PTPRE: variants seen among roughly 807,000 people sequenced by gnomAD.
PTPRE encodes the protein protein tyrosine phosphatase receptor type E.
In PTPRE, 51 loss-of-function variants were observed where a neutral mutation model predicts 102.0. The ratio of observed to expected loss-of-function variants is 0.50; its 90% CI spans 0.40 to 0.63. The LOEUF is 0.63. Ranked by LOEUF, PTPRE falls within the 30% of genes least tolerant of loss-of-function variation. The probability of loss-of-function intolerance (pLI) is 0.00; values close to 1 mark genes in which losing one functional copy is unlikely to be tolerated. For missense variants in PTPRE, 752 were observed against 915.1 expected (o/e 0.82, Z 2.30); for synonymous variants, 345 against 348.2 (o/e 0.99, Z 0.10).
At chr10:127,997,278 C>T (rs1853364729) in intron 2 of PTPRE, among the ~76,000 whole-genome samples, 1 of 152,158 alleles carries the variant, frequency 6.6e-6, no homozygotes. Flanking sequence ...CCCTGAACAC[C>T]CAGGTAAACT....
intron 10 of PTPRE, 31 bp downstream of exon 10, chr10:128,063,211 C>T (rs773009566): frequency 6.2e-7 from 1 of 1,612,158 alleles, no homozygotes; most frequent in East Asian, 2.2e-5. Context: ...CCCGGTATCA[C>T]TTCCTTTCAG....
intron 1 of PTPRE, among the ~76,000 whole-genome samples, chr10:127,932,233 T>C (rs2135242741): frequency 6.6e-6 from 1 of 152,360 alleles, no homozygotes; most frequent in East Asian, 1.9e-4. Flanking sequence ...AAAGTCTATA[T>C]TGAAAATTAA....
intron 1 of PTPRE, among the ~76,000 whole-genome samples, chr10:127,925,024 T>C (rs898485817): frequency 6.6e-6 from 1 of 152,184 alleles, no homozygotes; most frequent in Non-Finnish European, 1.5e-5. Flanking sequence ...AGTCTTCTGT[T>C]TTCTGAGCTC....
intron 1 of PTPRE, among the ~76,000 whole-genome samples, chr10:127,930,232 C>T (rs1847326433): frequency 6.6e-6 from 1 of 151,970 alleles, no homozygotes; most frequent in African/African-American, 2.4e-5. Flanking sequence ...GCACATTTTA[C>T]CACCCTGCCC....
rs1850679650 is a variant in PTPRE, at chr10:128,070,572, C to A, written c.1293+122C>A. On this transcript the variant is annotated intron_variant, in intron 14 of 20. Transcript: ENST00000254667. The surrounding 1 kb of genome is among the most constrained non-coding windows in gnomAD (Gnocchi z 4.8). ...GCCCCTTAACTGACCTCAGAAAAAGCAGGGGCAATACCTGAGCCATGATTT... is the reference window on the plus strand; with the variant it reads ...GCCCCTTAACTGACCTCAGAAAAAGAAGGGGCAATACCTGAGCCATGATTT... 3 of 1,335,064 alleles carry A rather than the reference C, an allele frequency of 2.2e-6. No homozygotes were observed. The highest frequency in any genetic ancestry group is 2.0e-6 in the Non-Finnish European group (2 of 991,668). 82.7% of individuals were successfully genotyped at this position (1,335,064 alleles called of 1,614,324 possible).
chr10:128,066,667 T>C (rs1014617350), intron 11 of PTPRE, among the ~76,000 whole-genome samples: 4 of 152,174 alleles, frequency 2.6e-5, no homozygotes, highest in African/African-American at 9.7e-5. Context: ...GCAAAGCAGA[T>C]GAAATCAAGA....
In PTPRE at chr10:128,023,361, C is replaced by T. The variant is rs147330499; in HGVS notation, c.-7-17514C>T. Reference sequence around the variant, plus strand: ...TATAGGAAAAAAGATAGTATATATACATAGTACGTATAGGAAAAAGCATAG... The same window carrying T: ...TATAGGAAAAAAGATAGTATATATATATAGTACGTATAGGAAAAAGCATAG... On this transcript the variant is annotated intron_variant, in intron 2 of 20. Coordinates refer to ENST00000254667, the MANE Select transcript of PTPRE (RefSeq NM_006504.6). 9.8e-3 allele frequency among the ~76,000 whole-genome samples: 1,496 copies of T among 151,910 alleles called. 13 individuals are homozygous for T. Among genetic ancestry groups the T allele is most frequent in the Non-Finnish European group, 0.015 (996 of 67,996 alleles).
chr10:128,040,337 G>A (rs1038193613), intron 2 of PTPRE, among the ~76,000 whole-genome samples: 8 of 152,182 alleles, frequency 5.3e-5, no homozygotes, highest in African/African-American at 1.9e-4. Context: ...GGGTGATGAG[G>A]CTGCATGAAC....
intron 7 of PTPRE, among the ~76,000 whole-genome samples, chr10:128,058,811 A>G (rs1590174574): frequency 1.3e-5 from 2 of 151,906 alleles, no homozygotes; most frequent in African/African-American, 4.8e-5. Context: ...AAGGGACCCA[A>G]CTTCCCCAGC....
At chr10:128,037,843 G>A (rs1214633639) in intron 2 of PTPRE, among the ~76,000 whole-genome samples, 3 of 152,134 alleles carry the variant, frequency 2.0e-5, no homozygotes, top group Non-Finnish European at 4.4e-5. Context: ...CCAGGCTGGA[G>A]TGCAGTGGTG....
At chr10:127,930,902 C>T (rs1309838918) in intron 1 of PTPRE, among the ~76,000 whole-genome samples, 1 of 151,740 alleles carries the variant, frequency 6.6e-6, no homozygotes, top group Non-Finnish European at 1.5e-5. Context: ...AAGCGATTCT[C>T]CTGCCTCAGC....
chr10:127,912,277 A>C (rs981286124), intron 1 of PTPRE, among the ~76,000 whole-genome samples: 1 of 152,250 alleles, frequency 6.6e-6, no homozygotes, highest in African/African-American at 2.4e-5. Flanking sequence ...TGAGCTTAAG[A>C]AATACAAATT....
At chr10:127,920,438 C>T (rs1447058697) in intron 1 of PTPRE, among the ~76,000 whole-genome samples, 1 of 152,180 alleles carries the variant, frequency 6.6e-6, no homozygotes, top group East Asian at 1.9e-4. Flanking sequence ...TGTGGCCAAG[C>T]ACCCTGCCCT....
chr10:127,939,347 T>C (rs1393560655), intron 1 of PTPRE, among the ~76,000 whole-genome samples: 1 of 152,256 alleles, frequency 6.6e-6, no homozygotes, highest in Non-Finnish European at 1.5e-5. Flanking sequence ...CTTCCCATTC[T>C]GCTGTGGCAA....
At chr10:128,079,517 A>G (rs1465791077) in intron 19 of PTPRE, 43 bp from the exon 20 acceptor site, 8 of 1,596,290 alleles carry the variant, frequency 5.0e-6, no homozygotes, top group Non-Finnish European at 6.8e-6. Context: ...CTCATCCCCA[A>G]GTGCAAGTCG....
At chr10:128,077,852 G>A in intron 19 of PTPRE, 69 bp downstream of exon 19, 1 of 1,512,710 alleles carries the variant, frequency 6.6e-7, no homozygotes, top group Middle Eastern at 1.8e-4. Flanking sequence ...ACCCGCAGCT[G>A]TGGGCAGCAG....
At chr10:127,990,411 C>CAAAAAAAAAAAAAAAAA (rs60034358) in intron 2 of PTPRE, among the ~76,000 whole-genome samples, 4 of 65,736 alleles carry the variant, frequency 6.1e-5, no homozygotes, top group African/African-American at 1.2e-4. Context: ...GACTCCACCT[C>CAAAAAAAAAAAAAAAAA]AAAAAAAAAA....
At chr10:128,058,380 A>G (rs1270253162) in intron 7 of PTPRE, among the ~76,000 whole-genome samples, 1 of 152,224 alleles carries the variant, frequency 6.6e-6, no homozygotes, top group Non-Finnish European at 1.5e-5. Flanking sequence ...CTGAAAGTGT[A>G]GTCAGATTCA....
intron 1 of PTPRE, among the ~76,000 whole-genome samples, chr10:127,939,997 C>G (rs1403616202): frequency 6.6e-6 from 1 of 150,482 alleles, no homozygotes; most frequent in East Asian, 2.0e-4. Flanking sequence ...CAGGAATAGA[C>G]AGGAAGAGGC....
Sources: allele counts gnomAD v4.1 joint callset (sites outside exome capture counted in the v4.1 genomes callset), GRCh38; gene constraint gnomAD v4.1.1; non-coding constraint Gnocchi (gnomAD v3.1); transcripts MANE v1.5; gene names NCBI Gene and HGNC (gene_info 2026-07-23, HGNC 2026-07-21).